The following FBXW11 variants were observed in gnomAD, a reference collection of about 807,000 sequenced individuals.
FBXW11 encodes the protein F-box/WD repeat-containing protein 11.
A neutral mutation model predicts 77.6 loss-of-function variants in FBXW11; 19 were observed. That is an observed-to-expected ratio of 0.24 (90% CI 0.17 to 0.36). The LOEUF (loss-of-function observed/expected upper bound fraction) is 0.36, where lower values mean the gene tolerates loss of function less well. FBXW11 is among the 10% of genes least tolerant of loss of function. The pLI is 1.00. For synonymous variants in FBXW11, 235 were observed against 249.4 expected, an observed-to-expected ratio of 0.94 and a Z score of 0.54; for missense variants, 334 against 704.2, an observed-to-expected ratio of 0.47 and a Z score of 5.95.
At chr5:171,942,194 G>A (rs916112969) in intron 2 of FBXW11, among the ~76,000 whole-genome samples, 3 of 151,016 alleles carry the variant, frequency 2.0e-5, no homozygotes, top group African/African-American at 4.9e-5. Context: ...GTCATAATAC[G>A]AGAATCAAAT....
At chr5:171,999,353 C>A (rs896225141) in intron 1 of FBXW11, among the ~76,000 whole-genome samples, 1 of 151,344 alleles carries the variant, frequency 6.6e-6, no homozygotes, top group South Asian at 2.1e-4. Context: ...CAGGCTTTTC[C>A]CCTGTACTAG....
At chr5:171,908,734 C>T (rs1760691039) in intron 4 of FBXW11, 1 of 152,150 alleles carries the variant, frequency 6.6e-6, no homozygotes, top group South Asian at 2.1e-4. Flanking sequence ...GATTAGAAAT[C>T]AGAAGCTGGT....
intron 1 of FBXW11, among the ~76,000 whole-genome samples, chr5:171,989,279 G>A (rs1285711049): frequency 6.6e-6 from 1 of 152,242 alleles, no homozygotes; most frequent in African/African-American, 2.4e-5. Flanking sequence ...TAATGAAACA[G>A]GGTATTTACA....
At chr5:171,918,835 C>G (rs557289873) in intron 2 of FBXW11, among the ~76,000 whole-genome samples, 1 of 152,328 alleles carries the variant, frequency 6.6e-6, no homozygotes, top group East Asian at 1.9e-4. Flanking sequence ...ACCCTCTGAA[C>G]TGTGAGAATC....
At position 171,869,662 on chromosome 5, in the gene FBXW11, C is replaced by A; in HGVS notation, c.1530+67G>T. On this transcript the variant is annotated intron_variant, in intron 12 of 13. Transcript: ENST00000517395. The surrounding 1 kb of genome is among the most constrained non-coding windows in gnomAD (Gnocchi z 4.1). ...CAAGCGTTCCTGTGATACACCTAGA[C>A]AGGACTATCTGCAAATGGTCATCCT... 8.1e-7 allele frequency: 1 copy of A among 1,235,094 alleles called. No homozygotes were observed. Among genetic ancestry groups the A allele is most frequent in the Non-Finnish European group, 1.1e-6 (1 of 871,672 alleles). 76.5% of individuals were successfully genotyped at this position (1,235,094 alleles called of 1,614,324 possible).
At chr5:172,000,641 T>C (rs1766360953) in intron 1 of FBXW11, among the ~76,000 whole-genome samples, 1 of 152,210 alleles carries the variant, frequency 6.6e-6, no homozygotes, top group South Asian at 2.1e-4. Flanking sequence ...CCTGTACTTG[T>C]GGGGAAAGTT....
At chr5:171,905,491 T>A (rs1458426312) in intron 4 of FBXW11, among the ~76,000 whole-genome samples, 1 of 151,620 alleles carries the variant, frequency 6.6e-6, no homozygotes, top group Non-Finnish European at 1.5e-5. Flanking sequence ...CTCCCCCAAA[T>A]CCTCTCAGCA....
rs534559905 is a variant in FBXW11 at position 171,981,290 on chromosome 5, C to G, written c.46-23592G>C. Among the ~76,000 whole-genome samples, 13 of 152,236 alleles carry G rather than the reference C, an allele frequency of 8.5e-5. No homozygotes were observed. In the South Asian group the frequency reaches 2.7e-3, roughly 32 times the overall value. The stretch of plus-strand genomic sequence containing the variant: ...CCCTTCTAGACCTTGCCCTACATAC[C>G]TCTTAGTCTGACTATTCAGTTGTAT... On this transcript the variant is annotated intron_variant, in intron 1 of 13. Coordinates refer to ENST00000517395, the MANE Select transcript of FBXW11 (RefSeq NM_001378974.1).
intron 13 of FBXW11, among the ~76,000 whole-genome samples, chr5:171,867,149 ACC>A (rs1316513206): frequency 2.0e-5 from 3 of 152,158 alleles, no homozygotes; most frequent in Non-Finnish European, 4.4e-5. Context: ...CCCTTGGTTT[ACC>A]GCTAATAGAT....
intron 4 of FBXW11, among the ~76,000 whole-genome samples, chr5:171,902,723 A>G (rs1459580191): frequency 1.3e-5 from 2 of 152,200 alleles, no homozygotes; most frequent in African/African-American, 4.8e-5. Flanking sequence ...CTGATTTTCA[A>G]TTGCTTCACA....
Position 171,923,909 on chromosome 5 carries a change from C to CTTTTTT in FBXW11, c.148-9510_148-9505dup, listed in dbSNP as rs70982354. ...GGGAGGGTCCGCGGTGAAACCCCAC[C>CTTTTTT]TTTTTTTTTTTTTTTTTTTTTTTTT... is the stretch of plus-strand genomic sequence containing the variant. On this transcript the variant is annotated intron_variant, in intron 2 of 13. Coordinates refer to ENST00000517395, the MANE Select transcript of FBXW11 (RefSeq NM_001378974.1). 3.5e-4 allele frequency among the ~76,000 whole-genome samples: 17 copies of CTTTTTT among 49,190 alleles called. 1 individual carries two copies. Among genetic ancestry groups the CTTTTTT allele is most frequent in the African/African-American group, 1.2e-3 (13 of 11,146 alleles). The allele number at this position is 49,190 out of a possible 152,430, so 32.3% of individuals were successfully genotyped here.
intron 1 of FBXW11, among the ~76,000 whole-genome samples, chr5:171,971,678 T>C (rs937581094): frequency 5.3e-5 from 8 of 152,028 alleles, no homozygotes; most frequent in African/African-American, 1.9e-4. Context: ...AAGGGAAAAG[T>C]TGAAAATTAA....
In FBXW11 at chr5:171,863,557, A is replaced by C. The variant is rs1757210608; in HGVS notation, c.*570T>G. The stretch of plus-strand genomic sequence containing the variant: ...ACAGAAAGGAAGTATAATCCCAAAA[A>C]TATTACTAAAACAATCCAGAGAAAA... On this transcript the variant is annotated 3_prime_UTR_variant, in exon 14 of 14. Coordinates refer to ENST00000517395, the MANE Select transcript of FBXW11 (RefSeq NM_001378974.1). 1 of 152,628 alleles carries C rather than the reference A, an allele frequency of 6.6e-6. No individual in the cohort carries two copies. Among genetic ancestry groups the C allele is most frequent in the Non-Finnish European group, 1.5e-5 (1 of 68,042 alleles). The allele number at this position is 152,628 out of a possible 1,614,324, so 9.5% of individuals were successfully genotyped here. A position where few individuals can be genotyped will look rare whatever the true frequency, so the allele number is the denominator to read the frequency against.
intron 1 of FBXW11, among the ~76,000 whole-genome samples, chr5:171,960,799 TAAAG>T (rs1763867994): frequency 6.6e-6 from 1 of 152,188 alleles, no homozygotes; most frequent in African/African-American, 2.4e-5. Flanking sequence ...ACAATCAACA[TAAAG>T]AAAATTTTCA....
intron 7 of FBXW11, among the ~76,000 whole-genome samples, chr5:171,878,603 A>AGAGTGTGTGTGTGTGTGT (rs138423567): frequency 5.4e-5 from 7 of 128,474 alleles, no homozygotes; most frequent in Non-Finnish European, 1.1e-4. Flanking sequence ...AGAGAGAGAG[A>AGAGTGTGTGTGTGTGTGT]GTGTGTGTGT....
In FBXW11 at chr5:171,875,154, T is replaced by C. The variant is rs555913257; in HGVS notation, c.1221+1131A>G. Among the ~76,000 whole-genome samples the C allele has an allele frequency of 1.1e-4, 17 of 152,014 alleles. No homozygotes were observed. The South Asian group carries it at 3.5e-3, about 32-fold the overall frequency. On this transcript the variant is annotated intron_variant, in intron 9 of 13. Transcript: ENST00000517395. ...AGTACTGGCTGGGTGTGGTGGCTCA[T>C]GCCTGTAATCCCAACACTTTGGGAG...
intron 1 of FBXW11, among the ~76,000 whole-genome samples, chr5:171,981,259 C>T (rs1452303885): frequency 6.6e-6 from 1 of 152,088 alleles, no homozygotes; most frequent in Non-Finnish European, 1.5e-5. Flanking sequence ...GCTCCTGCAC[C>T]CAGGACCCTT....
chr5:171,900,295 T>C (rs1760027469), intron 4 of FBXW11, among the ~76,000 whole-genome samples, 195 bp from the exon 5 acceptor site: 1 of 152,208 alleles, frequency 6.6e-6, no homozygotes. Flanking sequence ...TTTTTTACGA[T>C]AAAACAATTG....
At chr5:171,907,201 C>G (rs1760584276) in intron 4 of FBXW11, among the ~76,000 whole-genome samples, 1 of 152,164 alleles carries the variant, frequency 6.6e-6, no homozygotes, top group African/African-American at 2.4e-5. Flanking sequence ...GAGCCAGAGA[C>G]CACAAACATT....
Sources: allele counts gnomAD v4.1 joint callset (sites outside exome capture counted in the v4.1 genomes callset), GRCh38; gene constraint gnomAD v4.1.1; non-coding constraint Gnocchi (gnomAD v3.1); transcripts MANE v1.5; gene names NCBI Gene and HGNC (gene_info 2026-07-23, HGNC 2026-07-21).